The following TSHZ3 variants were observed in gnomAD, a reference collection of about 807,000 sequenced individuals.
TSHZ3 encodes teashirt homolog 3.
A neutral mutation model predicts 64.5 loss-of-function variants in TSHZ3; 10 were observed. That is an observed-to-expected ratio of 0.16 (90% CI 0.10 to 0.26). The LOEUF (loss-of-function observed/expected upper bound fraction) is 0.26. Among genes scored for constraint, TSHZ3 ranks in the 10% least tolerant of loss-of-function variants. The probability of loss-of-function intolerance (pLI) is 1.00; values close to 1 mark genes in which losing one functional copy is unlikely to be tolerated. For missense variants in TSHZ3, 1,242 were observed against 1,421.7 expected (o/e 0.87, Z 2.03); for synonymous variants, 608 against 593.1 (o/e 1.03, Z -0.36).
At chr19:31,231,263 C>T (rs79068970) in intron 3 of TSHZ3, among the ~76,000 whole-genome samples, 5 of 152,060 alleles carry the variant, frequency 3.3e-5, no homozygotes, top group South Asian at 4.2e-4. Flanking sequence ...GATGGTGGCA[C>T]GATGATGTGA....
At chr19:31,167,720 AAC>A (rs1290462908) in intron 5 of TSHZ3, 1 of 152,216 alleles carries the variant, frequency 6.6e-6, no homozygotes, top group African/African-American at 2.4e-5. Flanking sequence ...ATTGTCACTG[AAC>A]ACAGAGTCAT....
chr19:31,169,064 G>A (rs1288307641), intron 5 of TSHZ3, among the ~76,000 whole-genome samples: 2 of 152,036 alleles, frequency 1.3e-5, no homozygotes, highest in Non-Finnish European at 2.9e-5. Context: ...ACAGGGCTGG[G>A]GAAGATGGTC....
chr19:31,163,246 G>A (rs150334975), intron 5 of TSHZ3, among the ~76,000 whole-genome samples: 1 of 152,302 alleles, frequency 6.6e-6, no homozygotes, highest in African/African-American at 2.4e-5. Context: ...TAGATGGATG[G>A]ATGGATGGGG....
At chr19:31,181,117 A>C (rs1251958612) in intron 5 of TSHZ3, among the ~76,000 whole-genome samples, 2 of 152,066 alleles carry the variant, frequency 1.3e-5, no homozygotes, top group Non-Finnish European at 2.9e-5. Context: ...TTTTTAACTC[A>C]TCTGGGTAGC....
chr19:31,237,748 C>T lies in TSHZ3; in HGVS notation n.550+4521G>A, dbSNP rs575278923. The stretch of plus-strand genomic sequence containing the variant: ...GATATTGCAAGCTATACATTCTTTT[C>T]GAAGTATTGCTTTAGCTGTACACTG... On this transcript the variant is annotated intron_variant and non_coding_transcript_variant, in intron 3 of 6. Transcript: ENST00000651361. Among the ~76,000 whole-genome samples the T allele has an allele frequency of 8.5e-5, 13 of 152,178 alleles. 1 individual carries two copies. Among genetic ancestry groups the T allele is most frequent in the African/African-American group, 1.4e-4 (6 of 41,532 alleles).
intron 5 of TSHZ3, among the ~76,000 whole-genome samples, chr19:31,157,941 C>T (rs959812132): frequency 1.3e-5 from 2 of 152,228 alleles, no homozygotes; most frequent in Non-Finnish European, 2.9e-5. Flanking sequence ...ACCCTGTGGT[C>T]ACTCTCGTGG....
chr19:31,281,858 G>A (rs1396158506), intron 1 of TSHZ3, among the ~76,000 whole-genome samples: 1 of 152,222 alleles, frequency 6.6e-6, no homozygotes, highest in Non-Finnish European at 1.5e-5. Context: ...GGCAGGCCTG[G>A]AGGAAGAACA....
chr19:31,188,575 T>C (rs1418457306), intron 5 of TSHZ3, among the ~76,000 whole-genome samples: 1 of 152,020 alleles, frequency 6.6e-6, no homozygotes, highest in Non-Finnish European at 1.5e-5. Flanking sequence ...GTTCATCATA[T>C]GGTTTTTTCC....
chr19:31,164,104 T>G (rs938084580), intron 5 of TSHZ3, among the ~76,000 whole-genome samples: 7 of 152,094 alleles, frequency 4.6e-5, no homozygotes, highest in Non-Finnish European at 1.0e-4. Flanking sequence ...CCCCGACACC[T>G]TTTTGGTGGT....
At chr19:31,287,355 G>A (rs1568369937) in intron 1 of TSHZ3, among the ~76,000 whole-genome samples, 2 of 152,128 alleles carry the variant, frequency 1.3e-5, no homozygotes, top group African/African-American at 4.8e-5. Context: ...TTTTCCGCAT[G>A]TCTTCTTATT....
chr19:31,155,178 C>T (rs1974290667), intron 6 of TSHZ3, among the ~76,000 whole-genome samples: 1 of 152,250 alleles, frequency 6.6e-6, no homozygotes, highest in African/African-American at 2.4e-5. Flanking sequence ...GCCGCCTGAA[C>T]ATTGAATCTG....
chr19:31,266,152 C>T (rs1203807594), intron 1 of TSHZ3, among the ~76,000 whole-genome samples: 2 of 152,176 alleles, frequency 1.3e-5, no homozygotes, highest in East Asian at 1.9e-4. Context: ...TCCCCCTACA[C>T]TTAAGCATCT....
chr19:31,270,283 T>C (rs1489535444), downstream of TSHZ3, among the ~76,000 whole-genome samples: 1 of 152,184 alleles, frequency 6.6e-6, no homozygotes, highest in African/African-American at 2.4e-5. Flanking sequence ...AGATGTGAGC[T>C]CTTACCCAGG....
chr19:31,274,223 C>A (rs1976187029), downstream of TSHZ3, among the ~76,000 whole-genome samples: 1 of 151,738 alleles, frequency 6.6e-6, no homozygotes, highest in African/African-American at 2.4e-5. Flanking sequence ...AGCTATGATT[C>A]TGCATAACTG....
intron 4 of TSHZ3, among the ~76,000 whole-genome samples, chr19:31,215,073 G>A (rs1975308863): frequency 1.3e-5 from 2 of 152,118 alleles, no homozygotes. Flanking sequence ...TCGGTTGGTT[G>A]GCTATACATC....
chr19:31,255,537 G>A (rs919637936), intron 1 of TSHZ3, among the ~76,000 whole-genome samples: 6 of 151,906 alleles, frequency 3.9e-5, no homozygotes, highest in Admixed American at 1.3e-4. Context: ...TGGCAGGGGC[G>A]CCGGGCTAAC....
intron 5 of TSHZ3, among the ~76,000 whole-genome samples, chr19:31,179,354 G>A (rs1974663068): frequency 6.6e-6 from 1 of 152,152 alleles, no homozygotes; most frequent in Non-Finnish European, 1.5e-5. Flanking sequence ...GAGAAAGACA[G>A]GGGAACAAAT....
intron 5 of TSHZ3, among the ~76,000 whole-genome samples, chr19:31,160,877 AAT>A (rs199978596): frequency 9.2e-5 from 14 of 151,882 alleles, no homozygotes; most frequent in South Asian, 2.1e-4. Flanking sequence ...TGTCCAAATG[AAT>A]ATATATATAT....
At position 31,265,283 on chromosome 19, in the gene TSHZ3, G is replaced by A. The variant is rs147209595; in HGVS notation, n.64-22408C>T. Among the ~76,000 whole-genome samples, 84 of 151,154 alleles carry A rather than the reference G, an allele frequency of 5.6e-4. 1 individual carries two copies. In the East Asian group the frequency reaches 0.014, roughly 25 times the overall value. On this transcript the variant is annotated intron_variant and non_coding_transcript_variant, in intron 1 of 6. Coordinates refer to the TSHZ3 transcript ENST00000651361. ...ATGGTGGTCCATGCCTGTAATCCCA[G>A]CTACTCAGGAGGCTGAGGCAGGAGA...
Sources: gnomAD v4.1 joint callset for allele counts (sites outside exome capture counted in the v4.1 genomes callset) on GRCh38, gnomAD v4.1.1 for gene constraint, MANE v1.5 for transcripts, NCBI Gene and HGNC (gene_info 2026-07-23, HGNC 2026-07-21) for gene names.